ANAPC11: variants seen among roughly 807,000 people sequenced by gnomAD.
The protein encoded by ANAPC11 is anaphase-promoting complex subunit 11.
ANAPC11 carries 5 observed loss-of-function variants against 11.8 expected under a neutral mutation model. That is an observed-to-expected ratio of 0.42 (90% CI 0.22 to 0.89). The LOEUF is 0.89. Ranked by LOEUF, ANAPC11 falls within the 40% of genes least tolerant of loss-of-function variation. The pLI, the probability that ANAPC11 is intolerant of heterozygous loss-of-function variation, is 0.28. For synonymous variants in ANAPC11, 45 were observed against 41.0 expected (o/e 1.10, Z -0.38); for missense variants, 68 against 112.9 (o/e 0.60, Z 1.80).
intron 3 of ANAPC11, chr17:81,899,221 A>G (rs2039850049): frequency 2.5e-6 from 4 of 1,606,862 alleles, no homozygotes; most frequent in Non-Finnish European, 3.4e-6. Flanking sequence ...TGGCTGATAC[A>G]AGCATCCCTC....
intron 3 of ANAPC11, among the ~76,000 whole-genome samples, chr17:81,895,408 G>T (rs2039706928): frequency 6.6e-6 from 1 of 152,158 alleles, no homozygotes; most frequent in Non-Finnish European, 1.5e-5. Context: ...CCAGGTGGTT[G>T]GTACCCATGT....
intron 3 of ANAPC11, among the ~76,000 whole-genome samples, chr17:81,895,577 G>C: frequency 6.6e-6 from 1 of 152,092 alleles, no homozygotes; most frequent in South Asian, 2.1e-4. Flanking sequence ...GTGGGAGGCC[G>C]AGGCGGGCGG....
upstream of ANAPC11, chr17:81,891,004 G>T: frequency 1.1e-6 from 1 of 904,264 alleles, no homozygotes; most frequent in Non-Finnish European, 1.6e-6. Context: ...CACCGCGGCC[G>T]CACAACTTCA....
intron 1 of ANAPC11, among the ~76,000 whole-genome samples, chr17:81,892,687 T>C (rs570990640): frequency 6.6e-6 from 1 of 151,252 alleles, no homozygotes. Context: ...CATACCTGGC[T>C]AATGTTTGTA....
chr17:81,899,372 A>G, intron 3 of ANAPC11: 6 of 1,613,780 alleles, frequency 3.7e-6, no homozygotes, highest in Non-Finnish European at 5.1e-6. Flanking sequence ...AGCACACCGG[A>G]TCCCTGATGT....
chr17:81,896,841 C>T (rs1228820948), intron 3 of ANAPC11, among the ~76,000 whole-genome samples: 3 of 100,606 alleles, frequency 3.0e-5, no homozygotes, highest in Non-Finnish European at 5.4e-5. Flanking sequence ...GAGATAGAGT[C>T]TTGCCCTGTT....
chr17:81,892,359 C>T (rs1321040291), intron 1 of ANAPC11, among the ~76,000 whole-genome samples: 1 of 151,518 alleles, frequency 6.6e-6, no homozygotes, highest in Non-Finnish European at 1.5e-5. Flanking sequence ...CTACCAGCTA[C>T]TTGGGAGGCC....
upstream of ANAPC11, chr17:81,891,031 T>A: frequency 1.3e-6 from 1 of 742,838 alleles, no homozygotes; most frequent in Non-Finnish European, 2.1e-6. Flanking sequence ...TTAGACTAAC[T>A]TCCCGCCGCC....
At chr17:81,890,926 C>G, upstream of ANAPC11, 6 of 1,513,656 alleles carry the variant, frequency 4.0e-6, no homozygotes, top group South Asian at 6.2e-5. Flanking sequence ...TGAGAGGATC[C>G]GGCCGAAACG....
upstream of ANAPC11, chr17:81,891,238 G>A: frequency 9.9e-7 from 1 of 1,005,450 alleles, no homozygotes; most frequent in Non-Finnish European, 1.2e-6. Flanking sequence ...CCACCCGCCG[G>A]CCCGGGTCTC....
intron 2 of ANAPC11, chr17:81,894,251 A>G: frequency 3.0e-6 from 1 of 338,630 alleles, no homozygotes; most frequent in East Asian, 4.6e-5. Context: ...TGTCTCAAAA[A>G]AAAAAAATTA....
intron 3 of ANAPC11, 165 bp from the exon 4 acceptor site, chr17:81,899,754 AG>A: frequency 9.4e-6 from 9 of 958,626 alleles, no homozygotes; most frequent in Non-Finnish European, 1.4e-5. Context: ...CGGGCTGGTC[AG>A]GAGACCGATT....
intron 3 of ANAPC11, among the ~76,000 whole-genome samples, chr17:81,895,915 C>T (rs973136494): frequency 2.6e-5 from 4 of 151,932 alleles, no homozygotes; most frequent in African/African-American, 9.7e-5. Context: ...TGCAGTGAGC[C>T]AAGAGCAAGA....
rs777973315 is a variant in ANAPC11, at chr17:81,899,916, G to A, written c.110-4G>A. The A allele has an allele frequency of 2.0e-5, 32 of 1,606,224 alleles. No individual in the cohort carries two copies. The highest frequency in any genetic ancestry group is 6.7e-5 in the East Asian group (3 of 44,710). ...CTGTCCTTTTCCCCACCTCCCCTCC[G>A]TAGGCAAGGTGCCCGGCGACGACTG... On this transcript the variant is annotated splice_region_variant and splice_polypyrimidine_tract_variant and intron_variant, in intron 3 of 3. Transcript: ENST00000344877.
chr17:81,894,359 CCT>C (rs1193072682), intron 2 of ANAPC11, 106 bp from the exon 3 acceptor site: 14 of 507,108 alleles, frequency 2.8e-5, no homozygotes, highest in Non-Finnish European at 4.9e-5. Context: ...GCCTTGGCCC[CCT>C]GAGTAGCTGG....
upstream of ANAPC11, chr17:81,891,140 C>T (rs62077241): frequency 2.4e-5 from 14 of 595,484 alleles, no homozygotes; most frequent in African/African-American, 2.6e-4. Flanking sequence ...GACCGGACCC[C>T]GAAAGAACGA....
At chr17:81,899,545 C>T in intron 3 of ANAPC11, 1 of 1,610,886 alleles carries the variant, frequency 6.2e-7, no homozygotes, top group Non-Finnish European at 8.5e-7. Context: ...GCCTGTAGGT[C>T]AGACATTGCC....
At chr17:81,891,130 G>C (rs1212830199), upstream of ANAPC11, 3 of 609,684 alleles carry the variant, frequency 4.9e-6, no homozygotes, top group Admixed American at 4.0e-5. Context: ...CAGCCTCCGG[G>C]ACCGGACCCC....
chr17:81,900,070 C>A lies in ANAPC11; in HGVS notation c.*5C>A. 6.2e-7 allele frequency: 1 copy of A among 1,612,350 alleles called. No homozygotes were observed. On this transcript the variant is annotated 3_prime_UTR_variant, in exon 4 of 4. Coordinates refer to ENST00000344877, the MANE Select transcript of ANAPC11 (RefSeq NM_001002248.3). ...GAATGGAAGTTCAAGGAGTGAGGCC[C>A]GACCTGGCTCTCGCTGGAGGGGCAT...
Sources: allele counts gnomAD v4.1 joint callset (sites outside exome capture counted in the v4.1 genomes callset), GRCh38; gene constraint gnomAD v4.1.1; transcripts MANE v1.5; gene names NCBI Gene and HGNC (gene_info 2026-07-23, HGNC 2026-07-21).